LRBA: variants seen among roughly 807,000 people sequenced by gnomAD.
LRBA encodes LPS responsive beige-like anchor protein.
A neutral mutation model predicts 330.0 loss-of-function variants in LRBA; 176 were observed. The observed-to-expected ratio is 0.53, with a 90% CI of 0.47 to 0.60. The LOEUF is 0.60. Ranked by LOEUF, LRBA falls within the 20% of genes least tolerant of loss-of-function variation. LRBA has a pLI of 0.00. For synonymous variants in LRBA, 1,230 were observed against 1,193.0 expected (o/e 1.03, Z -0.64); for missense variants, 3,259 against 3,444.8 (o/e 0.95, Z 1.35).
chr4:150,325,215 C>G (rs13434795), intron 49 of LRBA, among the ~76,000 whole-genome samples: 8,587 of 152,072 alleles, frequency 0.056, 402 homozygotes, highest in East Asian at 0.18. Context: ...CAGCCCACCC[C>G]CAAGCAGTGT....
At chr4:150,429,407 C>A (rs1361361837) in intron 46 of LRBA, among the ~76,000 whole-genome samples, 2 of 151,850 alleles carry the variant, frequency 1.3e-5, no homozygotes, top group Non-Finnish European at 2.9e-5. Flanking sequence ...CAGAAGAGCT[C>A]AAGATGTAAT....
At chr4:150,586,480 A>G (rs974438814) in intron 40 of LRBA, among the ~76,000 whole-genome samples, 4 of 152,166 alleles carry the variant, frequency 2.6e-5, no homozygotes, top group Non-Finnish European at 5.9e-5. Flanking sequence ...CATCTATACA[A>G]AATTAAAACT....
At chr4:150,629,710 C>T (rs1473541416) in intron 37 of LRBA, among the ~76,000 whole-genome samples, 1 of 152,054 alleles carries the variant, frequency 6.6e-6, no homozygotes, top group Non-Finnish European at 1.5e-5. Flanking sequence ...TGGCTCACGC[C>T]TGTAATCCCA....
intron 47 of LRBA, among the ~76,000 whole-genome samples, chr4:150,383,819 G>T (rs1241242277): frequency 6.6e-6 from 1 of 152,006 alleles, no homozygotes; most frequent in Non-Finnish European, 1.5e-5. Flanking sequence ...CCTTACGTTA[G>T]AACAAGACAC....
chr4:150,906,049 G>T (rs1172390496), intron 12 of LRBA, 59 bp from the exon 13 acceptor site: 5 of 1,469,824 alleles, frequency 3.4e-6, no homozygotes, highest in African/African-American at 2.8e-5. Flanking sequence ...GTGAATTACA[G>T]GCTGTCCCTA....
intron 47 of LRBA, among the ~76,000 whole-genome samples, chr4:150,359,733 C>G (rs966262498): frequency 2.0e-5 from 3 of 152,054 alleles, no homozygotes; most frequent in African/African-American, 4.8e-5. Flanking sequence ...GTAATCCCAG[C>G]ACTTTGGGAG....
intron 37 of LRBA, among the ~76,000 whole-genome samples, chr4:150,640,483 G>T (rs1019359053): frequency 5.3e-5 from 8 of 152,228 alleles, no homozygotes; most frequent in African/African-American, 1.9e-4. Context: ...ATAGAGCACT[G>T]TTGATTAATA....
rs75844178 is a variant in LRBA, at chr4:150,269,528, G to A, written c.8469-3716C>T. ...ACAAATTAAAACTATAAAACTTTTA[G>A]ATGAAAACATATGGGAAAACCTTCA... is the stretch of plus-strand genomic sequence containing the variant. On this transcript the variant is annotated intron_variant, in intron 56 of 56. Transcript: ENST00000651943. Among the ~76,000 whole-genome samples the A allele has an allele frequency of 4.3e-3, 648 of 152,292 alleles. 3 individuals are homozygous for A. The highest frequency in any genetic ancestry group is 0.014 in the African/African-American group (584 of 41,572).
At chr4:150,673,274 G>T (rs1003252463) in intron 37 of LRBA, among the ~76,000 whole-genome samples, 1 of 151,986 alleles carries the variant, frequency 6.6e-6, no homozygotes, top group Non-Finnish European at 1.5e-5. Context: ...TTACTAAACC[G>T]AAAATTTTAA....
At position 150,958,283 on chromosome 4, in the gene LRBA, G is replaced by A. The variant is rs191606405; in HGVS notation, c.217-29218C>T. On this transcript the variant is annotated intron_variant, in intron 2 of 56. Coordinates refer to ENST00000651943, the MANE Select transcript of LRBA (RefSeq NM_001364905.1). Reference sequence around the variant, plus strand: ...TTGACTTCTGTGCACCCAAAGGCCCGACACCACACATAGGCCATCAAGGCT... The same window carrying A: ...TTGACTTCTGTGCACCCAAAGGCCCAACACCACACATAGGCCATCAAGGCT... Among the ~76,000 whole-genome samples the A allele has an allele frequency of 8.0e-5, 12 of 149,166 alleles. No homozygotes were observed. The East Asian group carries it at 1.7e-3, about 22-fold the overall frequency.
At chr4:150,471,850 A>C (rs1756169657) in intron 42 of LRBA, 111 bp from the exon 43 acceptor site, 1 of 645,664 alleles carries the variant, frequency 1.5e-6, no homozygotes, top group African/African-American at 1.9e-5. Flanking sequence ...AGTTCTATTC[A>C]TGTTAGACTA....
intron 47 of LRBA, among the ~76,000 whole-genome samples, chr4:150,375,953 C>T (rs1233703879): frequency 6.6e-6 from 1 of 152,144 alleles, no homozygotes; most frequent in Non-Finnish European, 1.5e-5. Flanking sequence ...AGCACCAAAT[C>T]TCCATCTCTA....
chr4:151,014,585 C>T lies in LRBA; in HGVS notation c.58G>A (p.Gly20Ser). The T allele has an allele frequency of 6.2e-7, 1 of 1,612,022 alleles. No homozygotes were observed. Among genetic ancestry groups the T allele is most frequent in the Non-Finnish European group, 8.5e-7 (1 of 1,179,014 alleles). ...SPPPTGDDGG[G>S]GGREETPTEG... ...GTAGGGGTTTCTTCTCTCCCTCCAC[C>T]TCCCCCGTCATCACCTGTTGGTGGC... The change falls in exon 2 of 57, where the codon GGT becomes AGT. Residue 20 changes from glycine to serine, a missense_variant. By Grantham distance (56) the Gly-to-Ser change is moderately conservative. Transcript: ENST00000651943.
intron 16 of LRBA, among the ~76,000 whole-genome samples, chr4:150,893,666 T>TTTTTTTG (rs528393147): frequency 6.6e-6 from 1 of 151,896 alleles, no homozygotes; most frequent in Non-Finnish European, 1.5e-5. Context: ...AATTTCTTTG[T>TTTTTTTG]TTTTTTGTTT....
chr4:150,470,786 A>G (rs1219005317), intron 43 of LRBA, among the ~76,000 whole-genome samples: 2 of 151,320 alleles, frequency 1.3e-5, no homozygotes, highest in African/African-American at 4.9e-5. Flanking sequence ...ATTCTTATAG[A>G]ATTTGTTCCT....
intron 46 of LRBA, among the ~76,000 whole-genome samples, chr4:150,420,222 T>G (rs1748447637): frequency 6.7e-6 from 1 of 148,746 alleles, no homozygotes; most frequent in Admixed American, 6.7e-5. Context: ...GGTGACAGAG[T>G]GAGACCCTGT....
At chr4:150,626,061 G>C (rs1264125528) in intron 37 of LRBA, among the ~76,000 whole-genome samples, 1 of 151,974 alleles carries the variant, frequency 6.6e-6, no homozygotes, top group Admixed American at 6.6e-5. Context: ...AAAACAATTG[G>C]ATTAATCAAA....
At chr4:150,519,988 T>C (rs1216294777) in intron 40 of LRBA, among the ~76,000 whole-genome samples, 1 of 152,180 alleles carries the variant, frequency 6.6e-6, no homozygotes, top group Non-Finnish European at 1.5e-5. Flanking sequence ...CCTTCCTTTA[T>C]CAAGTCCCTA....
At chr4:150,897,576 G>C (rs1166583021) in intron 15 of LRBA, among the ~76,000 whole-genome samples, 163 bp downstream of exon 15, 1 of 151,586 alleles carries the variant, frequency 6.6e-6, no homozygotes, top group Non-Finnish European at 1.5e-5. Flanking sequence ...ATCCATATAG[G>C]CTCCAAAAAA....
Sources: allele counts gnomAD v4.1 joint callset (sites outside exome capture counted in the v4.1 genomes callset), GRCh38; gene constraint gnomAD v4.1.1; transcripts MANE v1.5; gene names NCBI Gene and HGNC (gene_info 2026-07-23, HGNC 2026-07-21).